Variants in GRIA2 observed in about 807,000 individuals in gnomAD.
The protein encoded by GRIA2 is glutamate ionotropic receptor AMPA type subunit 2, also known as glutamate receptor 2.
Under a neutral mutation model 97.3 loss-of-function variants are expected in GRIA2, and 14 were observed. The observed-to-expected ratio is 0.14, with a 90% CI of 0.10 to 0.23. GRIA2 has a LOEUF of 0.23. Ranked by LOEUF, GRIA2 falls within the 10% of genes least tolerant of loss-of-function variation. The probability of loss-of-function intolerance (pLI) is 1.00; values close to 1 mark genes in which losing one functional copy is unlikely to be tolerated. For missense variants in GRIA2, 558 were observed against 1,069.8 expected (o/e 0.52, Z 6.67); for synonymous variants, 412 against 387.8 (o/e 1.06, Z -0.73).
At chr4:157,334,279 G>A in intron 9 of GRIA2, 159 bp downstream of exon 9, 1 of 566,682 alleles carries the variant, frequency 1.8e-6, no homozygotes, top group Non-Finnish European at 3.2e-6. Context: ...GAATACACAA[G>A]ATCTAGCTAA....
At chr4:157,354,098 T>C (rs1249253799) in intron 12 of GRIA2, among the ~76,000 whole-genome samples, 1 of 152,162 alleles carries the variant, frequency 6.6e-6, no homozygotes, top group Non-Finnish European at 1.5e-5. Context: ...ATTCTTTTAA[T>C]CCAAAAACTG....
chr4:157,300,938 T>C (rs1212292956), intron 2 of GRIA2, among the ~76,000 whole-genome samples: 2 of 152,170 alleles, frequency 1.3e-5, no homozygotes, highest in Non-Finnish European at 2.9e-5. Flanking sequence ...CTTGTCTGTG[T>C]ATTCAAACAG....
chr4:157,275,163 C>G (rs1431215888), intron 2 of GRIA2, among the ~76,000 whole-genome samples: 3 of 152,106 alleles, frequency 2.0e-5, no homozygotes, highest in Admixed American at 6.6e-5. Context: ...GCATAAATGT[C>G]TTCTTTTGAG....
At chr4:157,255,039 C>T (rs1731179200) in intron 2 of GRIA2, among the ~76,000 whole-genome samples, 1 of 151,994 alleles carries the variant, frequency 6.6e-6, no homozygotes, top group Admixed American at 6.6e-5. Flanking sequence ...GAATAGTGTA[C>T]ATTGTACCTA....
intron 2 of GRIA2, among the ~76,000 whole-genome samples, chr4:157,223,573 T>C (rs1180182956): frequency 6.6e-6 from 1 of 152,240 alleles, no homozygotes; most frequent in Non-Finnish European, 1.5e-5. Flanking sequence ...TTGATATCAG[T>C]AAGTTCCAAT....
In GRIA2 at chr4:157,359,876, G is replaced by A. The variant is rs762867027; in HGVS notation, c.2044-20G>A. On this transcript the variant is annotated intron_variant, in intron 12 of 15. Coordinates refer to ENST00000264426, the MANE Select transcript of GRIA2 (RefSeq NM_001083619.3). ...TAGGGCCATCTCTTAATGCTATCTG[G>A]CCCCTTACTTTTCCTGCAGAGATCT... 7 of 1,610,196 alleles carry A rather than the reference G, an allele frequency of 4.3e-6. No individual in the cohort carries two copies. Among genetic ancestry groups the A allele is most frequent in the Non-Finnish European group, 5.9e-6 (7 of 1,177,318 alleles).
At chr4:157,282,313 T>C (rs940797397) in intron 2 of GRIA2, among the ~76,000 whole-genome samples, 3 of 152,080 alleles carry the variant, frequency 2.0e-5, no homozygotes, top group Non-Finnish European at 4.4e-5. Context: ...TTACGGGACA[T>C]GAGTGGAACA....
At chr4:157,354,626 C>A (rs150089499) in intron 12 of GRIA2, among the ~76,000 whole-genome samples, 42 of 152,242 alleles carry the variant, frequency 2.8e-4, no homozygotes, top group African/African-American at 9.1e-4. Flanking sequence ...AATGTGATGG[C>A]AGATGTTGTT....
At position 157,307,088 on chromosome 4, in the gene GRIA2, T is replaced by A. The variant is rs556441024; in HGVS notation, c.469+3297T>A. 3.9e-5 allele frequency among the ~76,000 whole-genome samples: 6 copies of A among 152,274 alleles called. No homozygotes were observed. The South Asian group carries it at 1.2e-3, about 32-fold the overall frequency. ...ATCCTCACTTTTTAGAGAGTCTAGG[T>A]CAGGAATATATATTGGTTAATTATA... On this transcript the variant is annotated intron_variant, in intron 3 of 15. Coordinates refer to ENST00000264426, the MANE Select transcript of GRIA2 (RefSeq NM_001083619.3).
chr4:157,296,846 T>C lies in GRIA2; in HGVS notation c.230-6706T>C, dbSNP rs368294550. ...GTGCCAAGTACTTGACAGGCATTCA[T>C]AGGTAAATGGCACTTCATTCTCTCC... On this transcript the variant is annotated intron_variant, in intron 2 of 15. Coordinates refer to ENST00000264426, the MANE Select transcript of GRIA2 (RefSeq NM_001083619.3). Among the ~76,000 whole-genome samples, 139 of 152,262 alleles carry C rather than the reference T, an allele frequency of 9.1e-4. 3 individuals carry two copies. In the South Asian group the frequency reaches 0.028, roughly 31 times the overall value.
chr4:157,265,587 G>C (rs532676933), intron 2 of GRIA2, among the ~76,000 whole-genome samples: 1 of 152,236 alleles, frequency 6.6e-6, no homozygotes, highest in Admixed American at 6.5e-5. Flanking sequence ...CATTTCTGCT[G>C]CATTCTATTG....
In GRIA2 at chr4:157,312,879, TGC is replaced by T; in HGVS notation, c.666+5_666+6del. 1 of 1,532,818 alleles carries T rather than the reference TGC, an allele frequency of 6.5e-7. No homozygotes were observed. Among genetic ancestry groups the T allele is most frequent in the Non-Finnish European group, 8.9e-7 (1 of 1,125,704 alleles). The allele number at this position is 1,532,818 out of a possible 1,614,324, so 95.0% of individuals were successfully genotyped here. Reference sequence around the variant, plus strand: ...AGTAAACGACATTGTAGACCAGGTTTGCTACTTTCTGTTTTCTAATGATGCCA... The same window carrying T: ...AGTAAACGACATTGTAGACCAGGTTTTACTTTCTGTTTTCTAATGATGCCA... On this transcript the variant is annotated splice_donor_5th_base_variant and intron_variant, in intron 4 of 15. Coordinates refer to ENST00000264426, the MANE Select transcript of GRIA2 (RefSeq NM_001083619.3).
At chr4:157,333,053 T>G in intron 7 of GRIA2, 67 bp downstream of exon 7, 1 of 1,264,904 alleles carries the variant, frequency 7.9e-7, no homozygotes, top group South Asian at 1.4e-5. Context: ...CCTGCTAAAT[T>G]AGTCATCCTT....
At chr4:157,300,646 T>C (rs1238232096) in intron 2 of GRIA2, among the ~76,000 whole-genome samples, 1 of 151,854 alleles carries the variant, frequency 6.6e-6, no homozygotes, top group Non-Finnish European at 1.5e-5. Flanking sequence ...AATGAAGAAA[T>C]AAAGGATAAG....
chr4:157,336,336 A>G, intron 10 of GRIA2, 41 bp from the exon 11 acceptor site: 2 of 1,460,976 alleles, frequency 1.4e-6, no homozygotes, highest in Non-Finnish European at 1.8e-6. Flanking sequence ...CTTTTTCACC[A>G]TGACTCCAGG....
chr4:157,333,664 T>C (rs1045017586), intron 8 of GRIA2, among the ~76,000 whole-genome samples: 1 of 152,032 alleles, frequency 6.6e-6, no homozygotes, highest in Non-Finnish European at 1.5e-5. Flanking sequence ...AAAAAGTAGC[T>C]GGTGCAAATA....
At chr4:157,314,180 C>T (rs553194984) in intron 4 of GRIA2, among the ~76,000 whole-genome samples, 40 of 152,196 alleles carry the variant, frequency 2.6e-4, no homozygotes, top group African/African-American at 9.4e-4. Context: ...CTGCTAGTGC[C>T]TTAGAATACT....
Position 157,347,472 on chromosome 4 carries a change from GATTAATCTAGA to G in GRIA2, c.2043+6012_2043+6022del, listed in dbSNP as rs564491075. On this transcript the variant is annotated intron_variant, in intron 12 of 15. Coordinates refer to ENST00000264426, the MANE Select transcript of GRIA2 (RefSeq NM_001083619.3). Reference sequence around the variant, plus strand: ...CATACCAATAGCAGATCATGAGAACGATTAATCTAGAAGGAAAGGTTAAAACAATACAGAAG... The same window carrying G: ...CATACCAATAGCAGATCATGAGAACGAGGAAAGGTTAAAACAATACAGAAG... Among the ~76,000 whole-genome samples, 353 of 152,210 alleles carry G rather than the reference GATTAATCTAGA, an allele frequency of 2.3e-3. 1 individual carries two copies. The highest frequency in any genetic ancestry group is 8.3e-3 in the African/African-American group (345 of 41,558).
chr4:157,294,804 G>T (rs1733268401), intron 2 of GRIA2, among the ~76,000 whole-genome samples: 1 of 152,088 alleles, frequency 6.6e-6, no homozygotes, highest in South Asian at 2.1e-4. Flanking sequence ...CAGGCCTGCA[G>T]ACATTCATTC....
Sources: allele counts gnomAD v4.1 joint callset (sites outside exome capture counted in the v4.1 genomes callset), GRCh38; gene constraint gnomAD v4.1.1; transcripts MANE v1.5; gene names NCBI Gene and HGNC (gene_info 2026-07-23, HGNC 2026-07-21).